VPS13B: variants seen among roughly 807,000 people sequenced by gnomAD.
VPS13B encodes intermembrane lipid transfer protein VPS13B.
Under a neutral mutation model 426.4 loss-of-function variants are expected in VPS13B, and 285 were observed. The ratio of observed to expected loss-of-function variants is 0.67; its 90% CI spans 0.61 to 0.74. The LOEUF (loss-of-function observed/expected upper bound fraction) is 0.74. VPS13B is among the 30% of genes least tolerant of loss of function. VPS13B has a pLI of 0.00. For missense variants in VPS13B, 4,537 were observed against 4,782.6 expected, an observed-to-expected ratio of 0.95 and a Z score of 1.51; for synonymous variants, 1,676 against 1,676.4, an observed-to-expected ratio of 1.00 and a Z score of 0.01.
chr8:99,797,066 C>T (rs1305221071), intron 43 of VPS13B: 1 of 152,076 alleles, frequency 6.6e-6, no homozygotes, highest in African/African-American at 2.4e-5. Context: ...TAGTTTCCTC[C>T]TTGAGATAGG....
intron 19 of VPS13B, among the ~76,000 whole-genome samples, chr8:99,363,897 A>G (rs142555237): frequency 1.3e-5 from 2 of 152,334 alleles, no homozygotes; most frequent in East Asian, 3.9e-4. Flanking sequence ...ATATAAAATC[A>G]TATCATCTGC....
chr8:99,797,931 A>G (rs1347475747), intron 43 of VPS13B, among the ~76,000 whole-genome samples: 2 of 152,184 alleles, frequency 1.3e-5, no homozygotes, highest in Non-Finnish European at 2.9e-5. Context: ...CCAGAAATCT[A>G]CAGTATCACC....
intron 17 of VPS13B, among the ~76,000 whole-genome samples, chr8:99,221,445 A>G (rs1363749525): frequency 6.6e-6 from 1 of 152,176 alleles, no homozygotes; most frequent in Admixed American, 6.5e-5. Context: ...CCAATAAGCT[A>G]TTTGAAGAGG....
chr8:99,570,556 C>A (rs1046521013), intron 31 of VPS13B, among the ~76,000 whole-genome samples: 1 of 150,774 alleles, frequency 6.6e-6, no homozygotes, highest in African/African-American at 2.4e-5. Context: ...TTGAATAGTG[C>A]CTTGCTTTTT....
intron 33 of VPS13B, among the ~76,000 whole-genome samples, chr8:99,617,539 C>A (rs1828149035): frequency 6.6e-6 from 1 of 152,108 alleles, no homozygotes; most frequent in Non-Finnish European, 1.5e-5. Context: ...GTTGGCCAGG[C>A]TGGTCTCGAA....
intron 17 of VPS13B, among the ~76,000 whole-genome samples, chr8:99,203,918 A>G (rs1814513406): frequency 6.6e-6 from 1 of 152,238 alleles, no homozygotes; most frequent in Admixed American, 6.5e-5. Context: ...CAATATCGTG[A>G]AAATGGCCAT....
At chr8:99,760,046 G>A (rs1255422798) in intron 39 of VPS13B, among the ~76,000 whole-genome samples, 1 of 151,392 alleles carries the variant, frequency 6.6e-6, no homozygotes, top group Non-Finnish European at 1.5e-5. Context: ...GCATGATCTC[G>A]GCTCACTTCA....
chr8:99,662,567 C>T (rs1368336080), intron 35 of VPS13B, among the ~76,000 whole-genome samples: 3 of 152,170 alleles, frequency 2.0e-5, no homozygotes, highest in Non-Finnish European at 2.9e-5. Flanking sequence ...CTGCTTCAGC[C>T]TCCCAAGTAG....
intron 3 of VPS13B, among the ~76,000 whole-genome samples, chr8:99,055,312 T>C (rs1843791422): frequency 1.3e-5 from 2 of 152,216 alleles, no homozygotes; most frequent in Non-Finnish European, 2.9e-5. Context: ...AGTGCTGTGA[T>C]TACAGGCGTG....
chr8:99,060,930 G>A (rs1844148984), intron 3 of VPS13B, among the ~76,000 whole-genome samples: 1 of 152,106 alleles, frequency 6.6e-6, no homozygotes, highest in Non-Finnish European at 1.5e-5. Context: ...AGTTTCATCA[G>A]GGACTTTCTA....
chr8:99,056,393 A>C (rs1843865299), intron 3 of VPS13B, among the ~76,000 whole-genome samples: 1 of 152,142 alleles, frequency 6.6e-6, no homozygotes, highest in Non-Finnish European at 1.5e-5. Flanking sequence ...CACATTTGCC[A>C]GATTCGTTTG....
intron 3 of VPS13B, among the ~76,000 whole-genome samples, chr8:99,063,113 C>A (rs1340167095): frequency 6.6e-6 from 1 of 152,076 alleles, no homozygotes; most frequent in African/African-American, 2.4e-5. Context: ...CCAAGATGGC[C>A]CAGTAGGAAC....
intron 30 of VPS13B, among the ~76,000 whole-genome samples, chr8:99,542,092 T>C (rs1315890491): frequency 6.6e-6 from 1 of 152,166 alleles, no homozygotes; most frequent in South Asian, 2.1e-4. Context: ...GGTTTCACCG[T>C]GTTAGCCAGG....
chr8:99,182,335 G>A (rs1415335041), intron 16 of VPS13B, among the ~76,000 whole-genome samples: 2 of 152,104 alleles, frequency 1.3e-5, no homozygotes, highest in Non-Finnish European at 2.9e-5. Context: ...GATGAAGGAG[G>A]AAGGATTGAT....
At chr8:99,210,350 C>T (rs900383136) in intron 17 of VPS13B, among the ~76,000 whole-genome samples, 3 of 152,182 alleles carry the variant, frequency 2.0e-5, no homozygotes, top group Non-Finnish European at 4.4e-5. Context: ...TTCTCAAACA[C>T]ATCTCCCATT....
chr8:99,134,860 C>G, intron 9 of VPS13B, 133 bp downstream of exon 9: 1 of 1,171,952 alleles, frequency 8.5e-7, no homozygotes. Context: ...ATAGAGTTTA[C>G]TATCTCATGG....
At chr8:99,462,090 T>C (rs887712114) in intron 23 of VPS13B, among the ~76,000 whole-genome samples, 1 of 144,500 alleles carries the variant, frequency 6.9e-6, no homozygotes, top group African/African-American at 2.5e-5. Flanking sequence ...CTCCCTCCCT[T>C]CCTTCCTTCC....
chr8:99,345,363 C>T (rs1055735012), intron 19 of VPS13B, among the ~76,000 whole-genome samples: 1 of 152,196 alleles, frequency 6.6e-6, no homozygotes, highest in Non-Finnish European at 1.5e-5. Flanking sequence ...ATAAGGACCA[C>T]ATAGTAACTA....
intron 17 of VPS13B, among the ~76,000 whole-genome samples, chr8:99,217,748 C>CA (rs1402841686): frequency 2.0e-5 from 3 of 151,932 alleles, no homozygotes; most frequent in African/African-American, 4.8e-5. Flanking sequence ...GTCACTAGAA[C>CA]AAAAAAAGTA....
Sources: gnomAD v4.1 joint callset for allele counts (sites outside exome capture counted in the v4.1 genomes callset) on GRCh38, gnomAD v4.1.1 for gene constraint, MANE v1.5 for transcripts, NCBI Gene and HGNC (gene_info 2026-07-23, HGNC 2026-07-21) for gene names.